The following TRPM2 variants were observed in gnomAD, a reference collection of about 807,000 sequenced individuals.
TRPM2 encodes the protein estrogen-responsive element-associated gene 1 protein.
TRPM2 carries 161 observed loss-of-function variants against 174.0 expected under a neutral mutation model. The observed-to-expected ratio is 0.93, with a 90% CI of 0.81 to 1.05. TRPM2 has a LOEUF of 1.05. TRPM2 is among the 50% of genes least tolerant of loss of function. The pLI, the probability that TRPM2 is intolerant of heterozygous loss-of-function variation, is 0.00. For missense variants in TRPM2, 2,057 were observed against 2,038.0 expected, an observed-to-expected ratio of 1.01 and a Z score of -0.18; for synonymous variants, 954 against 861.3, an observed-to-expected ratio of 1.11 and a Z score of -1.88.
intron 30 of TRPM2, among the ~76,000 whole-genome samples, chr21:44,440,304 CAAAA>C (rs1555907336): frequency 2.4e-5 from 1 of 41,396 alleles, no homozygotes. Flanking sequence ...CCACTGCGCT[CAAAA>C]AAAAAAAAAA....
intron 26 of TRPM2, 121 bp from the exon 27 acceptor site, chr21:44,426,889 T>G (rs940423715): frequency 2.3e-6 from 3 of 1,330,336 alleles, no homozygotes; most frequent in African/African-American, 2.9e-5. Context: ...CTCCTACTGT[T>G]GTGTACACCC....
chr21:44,441,659 C>T (rs779621888), intron 31 of TRPM2, 33 bp from the exon 32 acceptor site: 42 of 1,584,080 alleles, frequency 2.7e-5, no homozygotes, highest in Middle Eastern at 1.7e-4. Context: ...GCAGGGCTGG[C>T]GGGGAGGGTC....
In TRPM2 at chr21:44,437,173, G is replaced by A. The variant is rs1293167371; in HGVS notation, c.4167+6G>A. ...AGCACTGGGCCCTGCCTGGGGTAAG[G>A]CTGCCGCGTGTGGGACCTCTGTCCA... On this transcript the variant is annotated splice_donor_region_variant and intron_variant, in intron 29 of 31. Coordinates refer to ENST00000397928, the MANE Select transcript of TRPM2 (RefSeq NM_003307.4). The A allele has an allele frequency of 7.7e-6, 12 of 1,550,378 alleles. No individual in the cohort carries two copies. The Admixed American group carries it at 2.4e-4, about 30-fold the overall frequency.
At chr21:44,378,439 G>A (rs2146201615) in intron 7 of TRPM2, among the ~76,000 whole-genome samples, 1 of 152,312 alleles carries the variant, frequency 6.6e-6, no homozygotes, top group Non-Finnish European at 1.5e-5. Context: ...GGGGCTTGAG[G>A]CTGGATGGGA....
intron 16 of TRPM2, 93 bp downstream of exon 16, chr21:44,401,990 C>A: frequency 1.4e-6 from 2 of 1,398,970 alleles, no homozygotes; most frequent in Non-Finnish European, 2.0e-6. Flanking sequence ...CCCACCCCAT[C>A]TAGCCTGCCC....
At chr21:44,404,056 C>A (rs2049753169) in intron 16 of TRPM2, among the ~76,000 whole-genome samples, 1 of 151,940 alleles carries the variant, frequency 6.6e-6, no homozygotes, top group Admixed American at 6.6e-5. Context: ...TACACATATA[C>A]ATACATATGC....
chr21:44,435,110 C>A (rs8130176), intron 27 of TRPM2, 21 bp from the exon 28 acceptor site: 3 of 1,608,992 alleles, frequency 1.9e-6, no homozygotes, highest in African/African-American at 2.7e-5. Flanking sequence ...GGTGGACTGA[C>A]TCAACCCCTC....
rs1337861051 is a variant in TRPM2 at position 44,369,346 on chromosome 21, G to A, written c.771+3G>A. The A allele has an allele frequency of 3.7e-6, 6 of 1,608,554 alleles. No homozygotes were observed. Among genetic ancestry groups the A allele is most frequent in the Non-Finnish European group, 5.1e-6 (6 of 1,176,644 alleles). ...GCGAGGGCCTGATCCATCCCACGGT[G>A]AGTGCGGCCCCCTAGGGAGGGGAGC... On this transcript the variant is annotated splice_donor_region_variant and intron_variant, in intron 5 of 31. Coordinates refer to ENST00000397928, the MANE Select transcript of TRPM2 (RefSeq NM_003307.4).
chr21:44,440,062 T>C (rs1601274905), intron 30 of TRPM2, among the ~76,000 whole-genome samples: 1 of 146,610 alleles, frequency 6.8e-6, no homozygotes, highest in Admixed American at 6.8e-5. Context: ...ACGGGCCGGG[T>C]GCGCTGGCTC....
intron 19 of TRPM2, among the ~76,000 whole-genome samples, chr21:44,408,746 C>T (rs2049991619): frequency 6.6e-6 from 1 of 150,430 alleles, no homozygotes; most frequent in Non-Finnish European, 1.5e-5. Context: ...CAACCTCTGC[C>T]TCCCGGGCTC....
intron 2 of TRPM2, among the ~76,000 whole-genome samples, chr21:44,356,837 T>G (rs1376499689): frequency 6.6e-6 from 1 of 152,226 alleles, no homozygotes; most frequent in African/African-American, 2.4e-5. Flanking sequence ...TTCCCAGAAC[T>G]GATTTCCTCT....
chr21:44,369,191 A>G lies in TRPM2; in HGVS notation c.619A>G (p.Thr207Ala), dbSNP rs781579861. Reference protein sequence around the residue: ...VAQTTGAWIITGGSHTGVMKQ... With the variant: ...VAQTTGAWIIAGGSHTGVMKQ... ...TCCTTCCCCAGGGGCCTGGATCATC[A>G]CAGGGGGGTCCCACACCGGCGTCAT... The change falls in exon 5 of 32, where the codon ACA (threonine) becomes GCA (alanine). Residue 207 changes from threonine (T) to alanine (A), a missense_variant. By Grantham distance (58) the Thr-to-Ala change is moderately conservative. Coordinates refer to ENST00000397928, the MANE Select transcript of TRPM2 (RefSeq NM_003307.4). 6.2e-7 allele frequency: 1 copy of G among 1,610,382 alleles called. No homozygotes were observed. Among genetic ancestry groups the G allele is most frequent in the Non-Finnish European group, 8.5e-7 (1 of 1,178,456 alleles).
intron 8 of TRPM2, among the ~76,000 whole-genome samples, chr21:44,379,684 T>C (rs1381916872): frequency 6.6e-6 from 1 of 152,188 alleles, no homozygotes; most frequent in African/African-American, 2.4e-5. Context: ...GCCCCTGCCA[T>C]GACCCCAGCC....
At chr21:44,393,932 G>A (rs542830480) in intron 11 of TRPM2, among the ~76,000 whole-genome samples, 3 of 152,202 alleles carry the variant, frequency 2.0e-5, no homozygotes, top group Admixed American at 6.5e-5. Flanking sequence ...GAGTGCAATG[G>A]TATAATCTCT....
At chr21:44,435,333 C>T in intron 28 of TRPM2, 116 bp downstream of exon 28, 11 of 1,084,278 alleles carry the variant, frequency 1.0e-5, no homozygotes, top group African/African-American at 1.6e-5. Flanking sequence ...TGATGCTTGG[C>T]ACTTGGTGCC....
intron 9 of TRPM2, among the ~76,000 whole-genome samples, chr21:44,386,640 C>T (rs963614496): frequency 2.6e-5 from 4 of 151,780 alleles, no homozygotes; most frequent in Non-Finnish European, 5.9e-5. Context: ...GAATTGGAAG[C>T]CTTAATATTG....
intron 28 of TRPM2, among the ~76,000 whole-genome samples, chr21:44,436,402 C>T (rs557705706): frequency 6.6e-5 from 10 of 152,212 alleles, no homozygotes; most frequent in Admixed American, 3.9e-4. Context: ...CTTCTCTGGC[C>T]GTGCAGACAT....
At chr21:44,426,775 A>G in intron 26 of TRPM2, 39 bp downstream of exon 26, 1 of 1,607,840 alleles carries the variant, frequency 6.2e-7, no homozygotes, top group South Asian at 1.1e-5. Flanking sequence ...AGCTGGCCCC[A>G]AACCCAGGGC....
rs751486241 is a variant in TRPM2 at position 44,424,867 on chromosome 21, C to T, written c.3565C>T (p.Gln1189Ter). 1.1e-4 allele frequency: 180 copies of T among 1,603,488 alleles called. 1 individual carries two copies. In the South Asian group the frequency reaches 1.5e-3, roughly 14 times the overall value. ...TGCCTTCCAGGTGGCCCAGACAGCCCAAGCCCTGCACTGGATCGTGAGGAC... is the reference window on the plus strand; with the variant it reads ...TGCCTTCCAGGTGGCCCAGACAGCCTAAGCCCTGCACTGGATCGTGAGGAC... ...SLEEQVAQTA[Q>*]ALHWIVRTLR... Residue 1189 changes from glutamine to a stop codon, truncating the protein, a stop_gained, in exon 24 of 32, where the codon CAA becomes TAA. Transcript: ENST00000397928. LOFTEE classifies it high-confidence loss of function.
Sources: gnomAD v4.1 joint callset for allele counts (sites outside exome capture counted in the v4.1 genomes callset) on GRCh38, gnomAD v4.1.1 for gene constraint, MANE v1.5 for transcripts, NCBI Gene and HGNC (gene_info 2026-07-23, HGNC 2026-07-21) for gene names.